NRXN3: variants seen among roughly 807,000 people sequenced by gnomAD.
The protein encoded by NRXN3 is neurexin III.
In NRXN3, 32 loss-of-function variants were observed where a neutral mutation model predicts 137.6. The ratio of observed to expected loss-of-function variants is 0.23; its 90% CI spans 0.18 to 0.31. The LOEUF (loss-of-function observed/expected upper bound fraction) is 0.31, where lower values mean the gene tolerates loss of function less well. Ranked by LOEUF, NRXN3 falls within the 10% of genes least tolerant of loss-of-function variation. The pLI, the probability that NRXN3 is intolerant of heterozygous loss-of-function variation, is 1.00. For missense variants in NRXN3, 1,574 were observed against 2,062.5 expected (o/e 0.76, Z 4.59); for synonymous variants, 798 against 784.5 (o/e 1.02, Z -0.29).
At chr14:78,767,236 G>A (rs532421398) in intron 8 of NRXN3, among the ~76,000 whole-genome samples, 1 of 152,304 alleles carries the variant, frequency 6.6e-6, no homozygotes, top group South Asian at 2.1e-4. Flanking sequence ...TCAGCTTGTA[G>A]AAGCTGCTCA....
chr14:78,607,805 C>G (rs2097265082), intron 4 of NRXN3, among the ~76,000 whole-genome samples: 1 of 152,152 alleles, frequency 6.6e-6, no homozygotes, highest in African/African-American at 2.4e-5. Flanking sequence ...AAATGGCAGT[C>G]TATCCCTCTT....
chr14:78,267,918 ATGTAGCACC>A (rs2072052610), intron 2 of NRXN3, among the ~76,000 whole-genome samples: 1 of 152,220 alleles, frequency 6.6e-6, no homozygotes, highest in Non-Finnish European at 1.5e-5. Context: ...AGTGTCTGGC[ATGTAGCACC>A]TGGTCAATAA....
At chr14:78,758,853 G>C (rs1050907363) in intron 8 of NRXN3, among the ~76,000 whole-genome samples, 1 of 152,148 alleles carries the variant, frequency 6.6e-6, no homozygotes, top group Non-Finnish European at 1.5e-5. Flanking sequence ...TTGTGGCCTG[G>C]ATCATCAGTG....
intron 10 of NRXN3, among the ~76,000 whole-genome samples, chr14:78,832,929 T>A (rs1596324757): frequency 6.6e-6 from 1 of 152,188 alleles, no homozygotes; most frequent in East Asian, 1.9e-4. Context: ...TGTAGAGTCA[T>A]CTGCAGGTCT....
Position 79,731,821 on chromosome 14 carries a change from T to TGA in NRXN3, c.4014+33884_4014+33885insGA, listed in dbSNP as rs1251719243. Among the ~76,000 whole-genome samples the TGA allele has an allele frequency of 7.2e-5, 11 of 151,846 alleles. No homozygotes were observed. The South Asian group carries it at 1.7e-3, about 23-fold the overall frequency. ...TTTTTAAATTAGAATTTTTTATTTTTTATTTTTTTTTTTAATTTTTTTTTT... is the reference window on the plus strand; with the variant it reads ...TTTTTAAATTAGAATTTTTTATTTTTGATATTTTTTTTTTTAATTTTTTTTTT... On this transcript the variant is annotated intron_variant, in intron 19 of 20. Coordinates refer to ENST00000335750, the MANE Select transcript of NRXN3 (RefSeq NM_001330195.2).
chr14:78,700,189 A>G lies in NRXN3; in HGVS notation c.1222-9028A>G, dbSNP rs546061544. On this transcript the variant is annotated intron_variant, in intron 6 of 20. Coordinates refer to ENST00000335750, the MANE Select transcript of NRXN3 (RefSeq NM_001330195.2). ...CTCCATGGTCTAGAGCTAAAGATAC[A>G]GTGGTTATTTAGTACATTTACATGG... is the stretch of plus-strand genomic sequence containing the variant. Among the ~76,000 whole-genome samples, 10 of 152,348 alleles carry G rather than the reference A, an allele frequency of 6.6e-5. No individual in the cohort carries two copies. In the South Asian group the frequency reaches 1.7e-3, roughly 25 times the overall value.
At chr14:78,628,826 T>C (rs899900556) in intron 4 of NRXN3, among the ~76,000 whole-genome samples, 2 of 152,208 alleles carry the variant, frequency 1.3e-5, no homozygotes, top group Non-Finnish European at 1.5e-5. Context: ...GATCACACAG[T>C]GAATTGCTTA....
intron 19 of NRXN3, among the ~76,000 whole-genome samples, chr14:79,780,598 G>C (rs1449731303): frequency 6.6e-6 from 1 of 152,074 alleles, no homozygotes; most frequent in Admixed American, 6.6e-5. Context: ...GACAGAGCGA[G>C]ACTCTGTCCC....
At chr14:78,361,170 G>A (rs1247300429) in intron 4 of NRXN3, among the ~76,000 whole-genome samples, 3 of 152,122 alleles carry the variant, frequency 2.0e-5, no homozygotes, top group African/African-American at 7.2e-5. Context: ...GGATCACTGG[G>A]CTGTTACAAA....
chr14:79,074,333 T>C (rs1264143079), intron 15 of NRXN3, among the ~76,000 whole-genome samples: 2 of 152,204 alleles, frequency 1.3e-5, no homozygotes, highest in Non-Finnish European at 2.9e-5. Flanking sequence ...AAAAATTATT[T>C]CTCTATATGA....
At chr14:78,638,747 A>G (rs1298828128) in intron 4 of NRXN3, among the ~76,000 whole-genome samples, 1 of 152,174 alleles carries the variant, frequency 6.6e-6, no homozygotes, top group East Asian at 1.9e-4. Flanking sequence ...ACAGACTTGT[A>G]GAGGAACGAA....
At position 79,790,902 on chromosome 14, in the gene NRXN3, A is replaced by G. The variant is rs560074372; in HGVS notation, c.4015-14210A>G. ...CCGATCTTGTGATCCACCCGCCTTG[A>G]CCTCCCAAAGTGCTGGGATTACAGG... On this transcript the variant is annotated intron_variant, in intron 19 of 20. Transcript: ENST00000335750. Among the ~76,000 whole-genome samples the G allele has an allele frequency of 1.1e-3, 163 of 150,600 alleles. 2 individuals are homozygous for G. Among genetic ancestry groups the G allele is most frequent in the African/African-American group, 1.7e-3 (71 of 40,988 alleles).
chr14:79,500,236 C>CAAAA (rs34976297), intron 16 of NRXN3, among the ~76,000 whole-genome samples: 75 of 88,390 alleles, frequency 8.5e-4, no homozygotes, highest in South Asian at 1.7e-3. Context: ...AAAAAGAAGG[C>CAAAA]AAAAAAAAAA....
At chr14:79,551,537 T>A (rs1200866803) in intron 16 of NRXN3, among the ~76,000 whole-genome samples, 4 of 152,188 alleles carry the variant, frequency 2.6e-5, no homozygotes, top group Non-Finnish European at 5.9e-5. Context: ...TTTAAGAAGA[T>A]CTGAATGGTT....
rs574191373 is a variant in NRXN3 at position 79,816,471 on chromosome 14, T to C, written c.4093+11281T>C. 8.5e-5 allele frequency among the ~76,000 whole-genome samples: 13 copies of C among 152,370 alleles called. No individual in the cohort carries two copies. In the East Asian group the frequency reaches 1.4e-3, roughly 16 times the overall value. On this transcript the variant is annotated intron_variant, in intron 20 of 20. Coordinates refer to ENST00000335750, the MANE Select transcript of NRXN3 (RefSeq NM_001330195.2). ...GCAAAATTAGAACTCCTGATTACTC[T>C]GTTTGTAAATGCCACCAAAGTTATG...
intron 15 of NRXN3, among the ~76,000 whole-genome samples, chr14:79,262,124 A>G (rs1035296114): frequency 3.3e-5 from 5 of 152,172 alleles, no homozygotes; most frequent in African/African-American, 7.2e-5. Context: ...AACATTGTAT[A>G]AAACCAGTAT....
At chr14:79,429,885 A>G (rs2095717476) in intron 15 of NRXN3, among the ~76,000 whole-genome samples, 1 of 152,200 alleles carries the variant, frequency 6.6e-6, no homozygotes, top group African/African-American at 2.4e-5. Flanking sequence ...TGGAGAGTGA[A>G]AGAGTTTTAA....
chr14:78,389,503 A>G (rs535340811), intron 4 of NRXN3, among the ~76,000 whole-genome samples: 2 of 152,306 alleles, frequency 1.3e-5, no homozygotes, highest in South Asian at 4.1e-4. Context: ...TGAAATTTTT[A>G]TCATTTATAA....
At chr14:78,451,429 T>C (rs1377065286) in intron 4 of NRXN3, among the ~76,000 whole-genome samples, 3 of 152,238 alleles carry the variant, frequency 2.0e-5, no homozygotes, top group Admixed American at 2.0e-4. Context: ...ACTTGGTATG[T>C]GTTCTGTAAA....
Sources: allele counts gnomAD v4.1 joint callset (sites outside exome capture counted in the v4.1 genomes callset), GRCh38; gene constraint gnomAD v4.1.1; transcripts MANE v1.5; gene names NCBI Gene and HGNC (gene_info 2026-07-23, HGNC 2026-07-21).